GTF2B: variants seen among roughly 807,000 people sequenced by gnomAD.
GTF2B encodes transcription initiation factor IIB.
Under a neutral mutation model 34.6 loss-of-function variants are expected in GTF2B, and 20 were observed. The observed-to-expected ratio is 0.58, with a 90% CI of 0.41 to 0.84. The LOEUF (loss-of-function observed/expected upper bound fraction) is 0.84, where lower values mean the gene tolerates loss of function less well. Among genes scored for constraint, GTF2B ranks in the 40% least tolerant of loss-of-function variants. The pLI is 0.00. For synonymous variants in GTF2B, 142 were observed against 132.4 expected, an observed-to-expected ratio of 1.07 and a Z score of -0.50; for missense variants, 237 against 393.3, an observed-to-expected ratio of 0.60 and a Z score of 3.36.
In GTF2B at chr1:88,891,549, A is replaced by C; in HGVS notation, c.-50T>G. ...AACAAGACACAACAGACACACCGAA[A>C]GCAGGAAGCGAATGTGGCGAAGAGA... On this transcript the variant is annotated 5_prime_UTR_variant, in exon 1 of 7. Transcript: ENST00000370500. 1 of 1,562,952 alleles carries C rather than the reference A, an allele frequency of 6.4e-7. No individual in the cohort carries two copies. The highest frequency in any genetic ancestry group is 8.7e-7 in the Non-Finnish European group (1 of 1,143,724).
intron 2 of GTF2B, among the ~76,000 whole-genome samples, chr1:88,873,441 T>C (rs1673746499): frequency 6.6e-6 from 1 of 152,048 alleles, no homozygotes. Context: ...CCTCGTGATC[T>C]GCCTGCCTCG....
intron 2 of GTF2B, among the ~76,000 whole-genome samples, chr1:88,885,889 T>G (rs201960434): frequency 6.6e-6 from 1 of 152,186 alleles, no homozygotes; most frequent in Admixed American, 6.5e-5. Flanking sequence ...AGGTTGTACT[T>G]TGACGACCCC....
chr1:88,864,727 G>A (rs1673511796), intron 2 of GTF2B, among the ~76,000 whole-genome samples: 1 of 152,176 alleles, frequency 6.6e-6, no homozygotes, highest in Admixed American at 6.5e-5. Context: ...AATAAAAGCA[G>A]ACACAAGTAA....
In GTF2B at chr1:88,857,408, A is replaced by G; in HGVS notation, c.615T>C (p.Ser205=). 1 of 1,610,408 alleles carries G rather than the reference A, an allele frequency of 6.2e-7. No homozygotes were observed. The highest frequency in any genetic ancestry group is 1.1e-5 in the South Asian group (1 of 91,030). ...AGTCCCCAGTTGTAATCAAATCCAC[A>G]CTGGTTTCTAGCGCTTTCAAAATAA... ...FKLILKALET[S]VDLITTGDFM... Residue 205 remains serine (S), a synonymous_variant, in exon 6 of 7, where the codon AGT becomes AGC. Transcript: ENST00000370500.
At position 88,874,496 on chromosome 1, in the gene GTF2B, AATTTTTTTTTT is replaced by A. The variant is rs1368339705; in HGVS notation, c.125-10393_125-10383del. Among the ~76,000 whole-genome samples the A allele has an allele frequency of 1.1e-4, 11 of 102,764 alleles. No homozygotes were observed. In the East Asian group the frequency reaches 3.0e-3, roughly 28 times the overall value. 67.4% of individuals were successfully genotyped at this position (102,764 alleles called of 152,430 possible). A position where few individuals can be genotyped will look rare whatever the true frequency, so the allele number is the denominator to read the frequency against. On this transcript the variant is annotated intron_variant, in intron 2 of 6. Transcript: ENST00000370500. ...TTGCGCCACCACACACAGCTAATTA[AATTTTTTTTTT>A]TTTTTTTTTTTTTTTTTTACAGACA... is the stretch of plus-strand genomic sequence containing the variant.
At chr1:88,859,688 T>C (rs1289466896) in intron 5 of GTF2B, among the ~76,000 whole-genome samples, 194 bp downstream of exon 5, 1 of 152,048 alleles carries the variant, frequency 6.6e-6, no homozygotes, top group Non-Finnish European at 1.5e-5. Context: ...ATACAAAAGT[T>C]AACCAGGTGT....
chr1:88,858,971 G>A lies in GTF2B; in HGVS notation c.535+911C>T, dbSNP rs183477683. Among the ~76,000 whole-genome samples the A allele has an allele frequency of 5.9e-4, 90 of 151,552 alleles. No individual in the cohort carries two copies. In the Middle Eastern group the frequency reaches 0.01, roughly 17 times the overall value. ...CAACCTCTGCCTCCCGGTTTCAAGC[G>A]ATTCTTCTGCCTCAGCCTCCTGAGT... is the stretch of plus-strand genomic sequence containing the variant. On this transcript the variant is annotated intron_variant, in intron 5 of 6. Coordinates refer to ENST00000370500, the MANE Select transcript of GTF2B (RefSeq NM_001514.6).
chr1:88,864,211 A>T, intron 2 of GTF2B, 97 bp from the exon 3 acceptor site: 1 of 1,092,258 alleles, frequency 9.2e-7, no homozygotes. Flanking sequence ...TTCCCAGGAA[A>T]TCTCAACATG....
chr1:88,879,424 C>CA (rs1255834616), intron 2 of GTF2B, among the ~76,000 whole-genome samples: 1 of 151,050 alleles, frequency 6.6e-6, no homozygotes, highest in Non-Finnish European at 1.5e-5. Context: ...ACTAAAAATA[C>CA]AAAAAATTAG....
At chr1:88,870,396 T>C (rs1364770712) in intron 2 of GTF2B, among the ~76,000 whole-genome samples, 1 of 152,240 alleles carries the variant, frequency 6.6e-6, no homozygotes, top group African/African-American at 2.4e-5. Context: ...TGATTTTGAA[T>C]TAAATGACAC....
intron 6 of GTF2B, among the ~76,000 whole-genome samples, chr1:88,853,598 A>G (rs954760889): frequency 6.6e-6 from 1 of 152,036 alleles, no homozygotes; most frequent in Admixed American, 6.6e-5. Flanking sequence ...AGGTCAGGAG[A>G]TCGAGACCAT....
rs1570719596 is a variant in GTF2B, at chr1:88,860,235, G to A, written c.310C>T (p.Arg104Trp). The A allele has an allele frequency of 1.9e-6, 3 of 1,613,296 alleles. No homozygotes were observed. The highest frequency in any genetic ancestry group is 1.7e-5 in the Admixed American group (1 of 59,994). The change falls in exon 4 of 7, where the codon CGG (arginine) becomes TGG (tryptophan). Residue 104 changes from arginine to tryptophan, a missense_variant. By Grantham distance (101) the Arg-to-Trp change is moderately radical (BLOSUM62 -3). Around this residue, in one of 3 missense-constraint regions of GTF2B, gnomAD observed 130 missense variants for 170.9 expected, o/e 0.76. Coordinates refer to ENST00000370500, the MANE Select transcript of GTF2B (RefSeq NM_001514.6). ...DEFGNSKYQN[R>W]RTMSSSDRAM... ...CGATCAGAACTGCTCATTGTTCTCCGATTCTGGTACTTAGAATTGCCAAAT... is the reference window on the plus strand; with the variant it reads ...CGATCAGAACTGCTCATTGTTCTCCAATTCTGGTACTTAGAATTGCCAAAT...
At chr1:88,871,761 C>T (rs1673697441) in intron 2 of GTF2B, among the ~76,000 whole-genome samples, 1 of 152,100 alleles carries the variant, frequency 6.6e-6, no homozygotes, top group African/African-American at 2.4e-5. Context: ...GATGGAGTTT[C>T]ACTCTTGTTG....
chr1:88,878,545 T>C (rs1329657382), intron 2 of GTF2B, among the ~76,000 whole-genome samples: 1 of 152,224 alleles, frequency 6.6e-6, no homozygotes, highest in Non-Finnish European at 1.5e-5. Context: ...GGACAGTAAA[T>C]GTGTGACAAT....
At chr1:88,879,255 A>G (rs1273937700) in intron 2 of GTF2B, among the ~76,000 whole-genome samples, 2 of 152,010 alleles carry the variant, frequency 1.3e-5, no homozygotes, top group African/African-American at 4.8e-5. Context: ...AGATAAATAT[A>G]CTTTTGGTAT....
chr1:88,883,139 TTA>T (rs768266013), intron 2 of GTF2B, among the ~76,000 whole-genome samples: 5 of 152,354 alleles, frequency 3.3e-5, no homozygotes, highest in East Asian at 3.9e-4. Flanking sequence ...TTACTGCACT[TTA>T]TGTTTCACAG....
rs1008845761 is a variant in GTF2B at position 88,891,505 on chromosome 1, C to T, written c.-6G>A. 1.2e-6 allele frequency: 2 copies of T among 1,601,326 alleles called. No individual in the cohort carries two copies. Among genetic ancestry groups the T allele is most frequent in the Admixed American group, 1.7e-5 (1 of 58,352 alleles). On this transcript the variant is annotated 5_prime_UTR_variant, in exon 1 of 7. The change creates a new upstream start codon in the 5' untranslated region. Transcript: ENST00000370500. ...AACCGGCTGGTAGACGCCATCTTCA[C>T]GGCGACTGCGGTGCCCGCAACAAGA...
At chr1:88,890,935 A>C (rs893130180) in intron 1 of GTF2B, among the ~76,000 whole-genome samples, 8 of 152,054 alleles carry the variant, frequency 5.3e-5, no homozygotes, top group Non-Finnish European at 1.0e-4. Flanking sequence ...CGATGGCTCT[A>C]GCTTCCACTT....
chr1:88,888,755 C>T (rs1674130053), intron 1 of GTF2B, among the ~76,000 whole-genome samples: 1 of 152,112 alleles, frequency 6.6e-6, no homozygotes. Context: ...TAACCATACA[C>T]CATAACATGG....
Sources: allele counts gnomAD v4.1 joint callset (sites outside exome capture counted in the v4.1 genomes callset), GRCh38; gene constraint gnomAD v4.1.1; regional missense constraint gnomAD v4.1.1; transcripts MANE v1.5; gene names NCBI Gene and HGNC (gene_info 2026-07-23, HGNC 2026-07-21).